The following FGF14 variants were observed in gnomAD, a reference collection of about 807,000 sequenced individuals.
FGF14 encodes the protein fibroblast growth factor 14, also known as fibroblast growth factor homologous factor 4.
Under a neutral mutation model 25.5 loss-of-function variants are expected in FGF14, and 5 were observed. The observed-to-expected ratio is 0.20, with a 90% CI of 0.10 to 0.41. FGF14 has a LOEUF of 0.41. Ranked by LOEUF, FGF14 falls within the 10% of genes least tolerant of loss-of-function variation. FGF14 has a pLI of 1.00. For synonymous variants in FGF14, 138 were observed against 118.3 expected (o/e 1.17, Z -1.08); for missense variants, 222 against 320.1 (o/e 0.69, Z 2.34).
chr13:102,244,026 G>A (rs1349597951), intron 1 of FGF14, among the ~76,000 whole-genome samples: 3 of 151,912 alleles, frequency 2.0e-5, no homozygotes, highest in African/African-American at 7.3e-5. Flanking sequence ...TAATGTAGAA[G>A]CCCCTCATCA....
intron 1 of FGF14, among the ~76,000 whole-genome samples, chr13:102,093,219 G>T (rs977992052): frequency 2.6e-4 from 40 of 152,128 alleles, no homozygotes; most frequent in African/African-American, 9.2e-4. Flanking sequence ...GGTGTGCCAT[G>T]AATACATAAA....
intron 1 of FGF14, among the ~76,000 whole-genome samples, chr13:102,025,699 G>T (rs2040887752): frequency 6.6e-6 from 1 of 152,010 alleles, no homozygotes; most frequent in Non-Finnish European, 1.5e-5. Flanking sequence ...GTGAGCCACT[G>T]CACCCAGACA....
At chr13:102,356,928 C>CATAT (rs3066054) in intron 1 of FGF14, among the ~76,000 whole-genome samples, 8,778 of 141,848 alleles carry the variant, frequency 0.062, 255 homozygotes, top group Middle Eastern at 0.087. Context: ...CTATAAAATG[C>CATAT]ATATATATAT....
intron 1 of FGF14, among the ~76,000 whole-genome samples, chr13:102,310,222 G>T (rs750051609): frequency 2.6e-5 from 4 of 152,162 alleles, no homozygotes; most frequent in African/African-American, 9.7e-5. Flanking sequence ...AAAACAAGAG[G>T]ATAGTTTTAC....
intron 1 of FGF14, among the ~76,000 whole-genome samples, chr13:101,959,989 A>G (rs1382098570): frequency 2.0e-5 from 3 of 152,252 alleles, no homozygotes; most frequent in African/African-American, 7.2e-5. Context: ...ATCTCAGCTT[A>G]ACCATTTAAA....
chr13:102,032,520 C>CT lies in FGF14; in HGVS notation c.209-157225dup. ...TTTTGAGTAATGACATAGTTTTTAT[C>CT]TTCCTATGGCATTTGGAAATTCCAG... On this transcript the variant is annotated intron_variant, in intron 1 of 4. Transcript: ENST00000376131. Among the ~76,000 whole-genome samples the CT allele has an allele frequency of 1.3e-5, 2 of 152,066 alleles. 1 individual carries two copies. The highest frequency in any genetic ancestry group is 2.9e-5 in the Non-Finnish European group (2 of 67,994).
intron 1 of FGF14, among the ~76,000 whole-genome samples, chr13:102,043,046 T>C (rs1366463870): frequency 6.6e-6 from 1 of 152,238 alleles, no homozygotes; most frequent in Non-Finnish European, 1.5e-5. Context: ...AGCTTATGAA[T>C]GACAGGGTCA....
At chr13:101,780,878 C>T (rs150669411) in intron 3 of FGF14, among the ~76,000 whole-genome samples, 1 of 152,060 alleles carries the variant, frequency 6.6e-6, no homozygotes, top group Non-Finnish European at 1.5e-5. Flanking sequence ...AACGTTCCTC[C>T]GAAGCAGACG....
chr13:102,012,155 C>T lies in FGF14; in HGVS notation c.209-136859G>A, dbSNP rs556383836. Among the ~76,000 whole-genome samples the T allele has an allele frequency of 6.6e-5, 10 of 152,006 alleles. No homozygotes were observed. The East Asian group carries it at 1.6e-3, about 24-fold the overall frequency. On this transcript the variant is annotated intron_variant, in intron 1 of 4. Coordinates refer to the FGF14 transcript ENST00000376131. Reference sequence around the variant, plus strand: ...TTTAAATATAAACTAATCAATTTGCCGATCCAGTGACCTGAAAATGCCTTG... The same window carrying T: ...TTTAAATATAAACTAATCAATTTGCTGATCCAGTGACCTGAAAATGCCTTG...
chr13:102,396,673 T>C (rs1397185786), intron 1 of FGF14, among the ~76,000 whole-genome samples: 1 of 152,222 alleles, frequency 6.6e-6, no homozygotes, highest in African/African-American at 2.4e-5. Context: ...ATTTTCTCAG[T>C]TATGGATGCT....
chr13:102,289,023 A>C (rs1402660130), intron 1 of FGF14, among the ~76,000 whole-genome samples: 1 of 152,068 alleles, frequency 6.6e-6, no homozygotes, highest in Non-Finnish European at 1.5e-5. Context: ...GCATTATAGG[A>C]TGTCACTAAA....
intron 1 of FGF14, among the ~76,000 whole-genome samples, chr13:102,236,293 T>G (rs185918228): frequency 6.6e-6 from 1 of 152,184 alleles, no homozygotes; most frequent in African/African-American, 2.4e-5. Context: ...CAGGACCCCT[T>G]TCTGGTAACA....
intron 1 of FGF14, among the ~76,000 whole-genome samples, chr13:102,078,667 C>T (rs996248508): frequency 6.6e-6 from 1 of 152,008 alleles, no homozygotes; most frequent in African/African-American, 2.4e-5. Flanking sequence ...GATGGAAGTT[C>T]ATAGAGACCC....
At chr13:101,944,992 T>G (rs1594790928) in intron 1 of FGF14, among the ~76,000 whole-genome samples, 1 of 152,134 alleles carries the variant, frequency 6.6e-6, no homozygotes, top group Non-Finnish European at 1.5e-5. Context: ...ACAATGTGAA[T>G]GTACTTAGCA....
chr13:102,380,292 C>A (rs2058152069), intron 1 of FGF14, among the ~76,000 whole-genome samples: 1 of 151,960 alleles, frequency 6.6e-6, no homozygotes, highest in Non-Finnish European at 1.5e-5. Flanking sequence ...TATAGTTTAC[C>A]TGTTTTCAGT....
At chr13:102,008,196 G>A (rs191342567) in intron 1 of FGF14, among the ~76,000 whole-genome samples, 3 of 152,292 alleles carry the variant, frequency 2.0e-5, no homozygotes, top group Non-Finnish European at 4.4e-5. Flanking sequence ...TATCTATTAC[G>A]TATGCATGGG....
intron 1 of FGF14, among the ~76,000 whole-genome samples, chr13:102,092,884 G>A (rs1000592029): frequency 1.3e-5 from 2 of 152,134 alleles, no homozygotes; most frequent in Non-Finnish European, 2.9e-5. Context: ...CAATAAAAAT[G>A]TTATACAGCA....
At chr13:101,726,932 A>G (rs2035478302) in intron 3 of FGF14, 122 bp from the exon 4 acceptor site, 1 of 693,474 alleles carries the variant, frequency 1.4e-6, no homozygotes, top group African/African-American at 1.8e-5. Flanking sequence ...AGGACCGGAT[A>G]TACCCCTTCC....
intron 1 of FGF14, among the ~76,000 whole-genome samples, chr13:101,903,238 GGTGT>G (rs3065974): frequency 7.4e-5 from 11 of 149,580 alleles, no homozygotes; most frequent in South Asian, 2.1e-4. Flanking sequence ...CTCTAATTGT[GGTGT>G]GTGTGTGTGT....
Sources: allele counts gnomAD v4.1 joint callset (sites outside exome capture counted in the v4.1 genomes callset), GRCh38; gene constraint gnomAD v4.1.1; transcripts MANE v1.5; gene names NCBI Gene and HGNC (gene_info 2026-07-23, HGNC 2026-07-21).